ABCB5: variants seen among roughly 807,000 people sequenced by gnomAD.
The protein encoded by ABCB5 is ATP-binding cassette sub-family B member 5.
ABCB5 carries 155 observed loss-of-function variants against 144.2 expected under a neutral mutation model. That is an observed-to-expected ratio of 1.08 (90% CI 0.94 to 1.23). ABCB5 has a LOEUF of 1.23. Ranked by LOEUF, ABCB5 falls within the 50% of genes most tolerant of loss-of-function variation. The pLI is 0.00. For synonymous variants in ABCB5, 610 were observed against 528.6 expected, an observed-to-expected ratio of 1.15 and a Z score of -2.11; for missense variants, 1,830 against 1,520.8, an observed-to-expected ratio of 1.20 and a Z score of -3.38.
intron 20 of ABCB5, among the ~76,000 whole-genome samples, chr7:20,711,537 T>C (rs1787033050): frequency 6.7e-6 from 1 of 148,208 alleles, no homozygotes; most frequent in African/African-American, 2.5e-5. Flanking sequence ...TCACTACTCA[T>C]TGCAGCCTTG....
intron 24 of ABCB5, among the ~76,000 whole-genome samples, chr7:20,739,622 G>A (rs1056199553): frequency 1.3e-5 from 2 of 151,784 alleles, no homozygotes; most frequent in South Asian, 2.1e-4. Flanking sequence ...GATGCTATGA[G>A]AATGTTCTTG....
chr7:20,715,227 G>C (rs143604633), intron 20 of ABCB5, among the ~76,000 whole-genome samples: 1 of 151,932 alleles, frequency 6.6e-6, no homozygotes, highest in African/African-American at 2.4e-5. Context: ...TGTATTTTTA[G>C]CAGAAATGGA....
In ABCB5 at chr7:20,727,097, G is replaced by T. The variant is rs755407075; in HGVS notation, c.2683G>T (p.Ala895Ser). The stretch of plus-strand genomic sequence containing the variant: ...TATAGTGTCATTAACAAGGGAAAAA[G>T]CCTTCGAGCAAATGTATGAAGAGAT... ...RTIVSLTREK[A>S]FEQMYEEMLQ... The change falls in exon 22 of 28, where the codon GCC becomes TCC. Residue 895 changes from alanine to serine, a missense_variant. By Grantham distance (99) the Ala-to-Ser change is moderately conservative. Coordinates refer to ENST00000404938, the MANE Select transcript of ABCB5 (RefSeq NM_001163941.2). 7 of 1,613,564 alleles carry T rather than the reference G, an allele frequency of 4.3e-6. No individual in the cohort carries two copies. Among genetic ancestry groups the T allele is most frequent in the Non-Finnish European group, 5.1e-6 (6 of 1,179,816 alleles).
At chr7:20,711,879 TCC>T (rs1483562597) in intron 20 of ABCB5, among the ~76,000 whole-genome samples, 3 of 107,816 alleles carry the variant, frequency 2.8e-5, no homozygotes, top group African/African-American at 1.1e-4. Flanking sequence ...CCTCCCTCCC[TCC>T]CTCCCTCCCT....
intron 4 of ABCB5, among the ~76,000 whole-genome samples, chr7:20,630,026 C>T (rs376009101): frequency 1.3e-5 from 2 of 151,990 alleles, no homozygotes; most frequent in Non-Finnish European, 2.9e-5. Context: ...AGGCATCTTT[C>T]GTGTATCGTT....
rs754874034 is a variant in ABCB5, at chr7:20,698,438, T to A, written c.2042T>A (p.Ile681Asn). ...ISLPEVSLLK[I>N]LKLNKPEWPF... is the part of the protein sequence containing the mutation. Reference sequence around the variant, plus strand: ...CTTCCTGAAGTCTCTCTATTAAAAATTTTAAAGTTAAACAAGCCTGAATGG... The same window carrying A: ...CTTCCTGAAGTCTCTCTATTAAAAAATTTAAAGTTAAACAAGCCTGAATGG... The change falls in exon 17 of 28, where the codon ATT (isoleucine) becomes AAT (asparagine). Residue 681 changes from isoleucine to asparagine, a missense_variant. Ile to Asn is a moderately radical substitution (Grantham distance 149, BLOSUM62 -3). Coordinates refer to ENST00000404938, the MANE Select transcript of ABCB5 (RefSeq NM_001163941.2). The A allele has an allele frequency of 1.3e-6, 2 of 1,582,860 alleles. No homozygotes were observed. The highest frequency in any genetic ancestry group is 8.5e-7 in the Non-Finnish European group (1 of 1,171,128).
At chr7:20,722,372 T>C (rs1487903407) in intron 20 of ABCB5, among the ~76,000 whole-genome samples, 1 of 152,158 alleles carries the variant, frequency 6.6e-6, no homozygotes, top group Non-Finnish European at 1.5e-5. Context: ...GGCTGTAAAA[T>C]CCTGCTAAAC....
intron 20 of ABCB5, 48 bp downstream of exon 20, chr7:20,704,855 C>T (rs1474782260): frequency 2.8e-6 from 4 of 1,441,584 alleles, no homozygotes; most frequent in Non-Finnish European, 3.9e-6. Flanking sequence ...GTGGTGTGCA[C>T]ACATGCAATG....
chr7:20,729,516 C>A (rs574332404), intron 23 of ABCB5, among the ~76,000 whole-genome samples: 2 of 152,132 alleles, frequency 1.3e-5, no homozygotes, highest in Non-Finnish European at 2.9e-5. Context: ...TAGGTTGGAG[C>A]TCCTATTTTG....
intron 1 of ABCB5, among the ~76,000 whole-genome samples, chr7:20,618,819 G>A (rs1783747432): frequency 9.1e-6 from 1 of 109,526 alleles, no homozygotes; most frequent in African/African-American, 3.5e-5. Flanking sequence ...CTGTCACCCA[G>A]GCTGGAGTGC....
chr7:20,667,213 A>G, intron 14 of ABCB5: 5 of 923,860 alleles, frequency 5.4e-6, no homozygotes, highest in Non-Finnish European at 6.5e-6. Context: ...GTAACATAAT[A>G]TCTACCTTAA....
chr7:20,728,909 T>C (rs1412125253), intron 23 of ABCB5, among the ~76,000 whole-genome samples: 1 of 152,214 alleles, frequency 6.6e-6, no homozygotes, highest in Non-Finnish European at 1.5e-5. Flanking sequence ...AGTTGGAATT[T>C]TTTTAAATAT....
At chr7:20,667,694 TGCCCCTGCCCCTGCCCCTGCCCC>T in intron 14 of ABCB5, 1 of 120,082 alleles carries the variant, frequency 8.3e-6, no homozygotes, top group East Asian at 2.5e-4. Context: ...CCCCTGCCCC[TGCCCCTGCCCCTGCCCCTGCCCC>T]TGCCCCTGCC....
intron 20 of ABCB5, among the ~76,000 whole-genome samples, chr7:20,720,527 C>T (rs1026659574): frequency 2.5e-5 from 2 of 80,616 alleles, no homozygotes; most frequent in African/African-American, 9.6e-5. Context: ...AACACAGCAT[C>T]ACTTCTCTAA....
intron 14 of ABCB5, among the ~76,000 whole-genome samples, chr7:20,664,659 T>G (rs1785113815): frequency 6.6e-6 from 1 of 152,208 alleles, no homozygotes; most frequent in Non-Finnish European, 1.5e-5. Flanking sequence ...TATTATGCCC[T>G]TATGGAAAAA....
At chr7:20,716,638 G>A (rs1781682522) in intron 20 of ABCB5, among the ~76,000 whole-genome samples, 2 of 152,092 alleles carry the variant, frequency 1.3e-5, no homozygotes, top group Non-Finnish European at 2.9e-5. Flanking sequence ...GATGAATTGT[G>A]GGGACATGTA....
chr7:20,753,611 T>C (rs1782998449), intron 27 of ABCB5, 105 bp downstream of exon 27: 5 of 1,329,864 alleles, frequency 3.8e-6, no homozygotes, highest in African/African-American at 1.5e-5. Flanking sequence ...TGGAAAGAAT[T>C]GTAGTTCTAA....
chr7:20,676,435 A>G (rs1432639539), intron 14 of ABCB5, among the ~76,000 whole-genome samples: 1 of 152,228 alleles, frequency 6.6e-6, no homozygotes, highest in Non-Finnish European at 1.5e-5. Context: ...GAGGAAGTCC[A>G]TATGGAACAA....
chr7:20,668,615 C>T (rs189136323), intron 14 of ABCB5, among the ~76,000 whole-genome samples: 6 of 149,062 alleles, frequency 4.0e-5, no homozygotes, highest in Admixed American at 6.6e-5. Flanking sequence ...GCCCCCCGCC[C>T]GGCCAGCCGC....
Sources: gnomAD v4.1 joint callset for allele counts (sites outside exome capture counted in the v4.1 genomes callset) on GRCh38, gnomAD v4.1.1 for gene constraint, MANE v1.5 for transcripts, NCBI Gene and HGNC (gene_info 2026-07-23, HGNC 2026-07-21) for gene names.